The following ME2 variants were observed in gnomAD, a reference collection of about 807,000 sequenced individuals.
The protein encoded by ME2 is NAD-dependent malic enzyme, mitochondrial.
ME2 carries 60 observed loss-of-function variants against 73.7 expected under a neutral mutation model. That is an observed-to-expected ratio of 0.81 (90% confidence interval 0.66 to 1.01). ME2 has a LOEUF of 1.01. ME2 is among the 50% of genes least tolerant of loss of function. The pLI is 0.00. For synonymous variants in ME2, 199 were observed against 236.9 expected, an observed-to-expected ratio of 0.84 and a Z score of 1.47; for missense variants, 594 against 705.5, an observed-to-expected ratio of 0.84 and a Z score of 1.79.
At position 50,954,079 on chromosome 18, in the gene ME2, C is replaced by A. The variant is rs1918274903; in HGVS notation, c.*6895C>A. ...CTTGTAGTAATTGCTTATGGGAATG[C>A]TAGTTTAAGAGGAATGCCTTGTATA... On this transcript the variant is annotated 3_prime_UTR_variant, in exon 16 of 16. Coordinates refer to ENST00000321341, the MANE Select transcript of ME2 (RefSeq NM_002396.5). 1 of 152,140 alleles carries A rather than the reference C, an allele frequency of 6.6e-6. No homozygotes were observed. Among genetic ancestry groups the A allele is most frequent in the South Asian group, 2.1e-4 (1 of 4,830 alleles). The allele number at this position is 152,140 out of a possible 1,614,324, so 9.4% of individuals were successfully genotyped here.
chr18:50,929,478 A>G (rs1214706554), intron 12 of ME2, among the ~76,000 whole-genome samples: 1 of 130,446 alleles, frequency 7.7e-6, no homozygotes, highest in Non-Finnish European at 1.6e-5. Flanking sequence ...ACAGAGCAAG[A>G]CTGTCTCAAA....
rs182772034 is a variant in ME2, at chr18:50,880,378, A to G, written c.-13+1070A>G. Reference sequence around the variant, plus strand: ...TCCACCCCCACTCCCTTAAACGTGTATACTCCTTAAGCATTGCTCATGTTG... The same window carrying G: ...TCCACCCCCACTCCCTTAAACGTGTGTACTCCTTAAGCATTGCTCATGTTG... On this transcript the variant is annotated intron_variant, in intron 1 of 15. Transcript: ENST00000321341. 5.8e-3 allele frequency among the ~76,000 whole-genome samples: 882 copies of G among 152,332 alleles called. 7 individuals are homozygous for G. Among genetic ancestry groups the G allele is most frequent in the African/African-American group, 0.02 (843 of 41,580 alleles).
intron 15 of ME2, among the ~76,000 whole-genome samples, chr18:50,946,323 G>A (rs904566127): frequency 2.6e-5 from 4 of 152,108 alleles, no homozygotes; most frequent in African/African-American, 7.2e-5. Flanking sequence ...GGGAGTAGTC[G>A]AGCTTACTGT....
At position 50,920,475 on chromosome 18, in the gene ME2, A is replaced by G. The variant is rs1277740276; in HGVS notation, c.754A>G (p.Ile252Val). Residue 252 changes from isoleucine (I) to valine (V), a missense_variant, in exon 8 of 16, where the codon ATT becomes GTT. By Grantham distance (29) the Ile-to-Val change is conservative (BLOSUM62 3). Coordinates refer to ENST00000321341, the MANE Select transcript of ME2 (RefSeq NM_002396.5). ...ITDRYGRNTL[I>V]QFEDFGNHNA... ...TTTTAGATATGGCCGGAACACACTC[A>G]TTCAGTTCGAAGACTTTGGAAATCA... The G allele has an allele frequency of 1.6e-5, 25 of 1,598,858 alleles. No individual in the cohort carries two copies. In the Admixed American group the frequency reaches 3.3e-4, roughly 21 times the overall value.
chr18:50,925,473 T>C (rs1186042253), intron 11 of ME2, among the ~76,000 whole-genome samples: 4 of 152,190 alleles, frequency 2.6e-5, no homozygotes, highest in Admixed American at 2.6e-4. Context: ...AGCGAGACTC[T>C]GTCTCAAAAA....
intron 1 of ME2, among the ~76,000 whole-genome samples, chr18:50,890,065 A>C (rs1599085991): frequency 6.6e-6 from 1 of 152,176 alleles, no homozygotes; most frequent in South Asian, 2.1e-4. Flanking sequence ...AGAGATTTCA[A>C]AAATCAAGAA....
chr18:50,935,915 T>G (rs1384093760), intron 13 of ME2, among the ~76,000 whole-genome samples: 1 of 151,480 alleles, frequency 6.6e-6, no homozygotes, highest in Admixed American at 6.6e-5. Context: ...TTGATAGATC[T>G]TTAATTGAAG....
intron 13 of ME2, chr18:50,933,034 T>C (rs1917736248): frequency 6.6e-6 from 1 of 152,242 alleles, no homozygotes; most frequent in Non-Finnish European, 1.5e-5. Context: ...CGTTTATCAT[T>C]ACCTCAGTTC....
At chr18:50,882,283 C>T (rs999239645) in intron 1 of ME2, among the ~76,000 whole-genome samples, 1 of 152,088 alleles carries the variant, frequency 6.6e-6, no homozygotes, top group Non-Finnish European at 1.5e-5. Context: ...TACAGGTGTT[C>T]GCCACGGGAT....
intron 4 of ME2, among the ~76,000 whole-genome samples, chr18:50,913,863 A>C (rs1200963052): frequency 6.7e-6 from 1 of 149,068 alleles, no homozygotes; most frequent in Non-Finnish European, 1.5e-5. Context: ...AATATTATAC[A>C]CACACACACA....
chr18:50,922,173 G>A (rs1045433509), intron 10 of ME2, among the ~76,000 whole-genome samples: 24 of 152,178 alleles, frequency 1.6e-4, no homozygotes, highest in African/African-American at 5.8e-4. Context: ...TAAAGTATGT[G>A]AATGAAAAAT....
intron 13 of ME2, chr18:50,933,070 C>G (rs1205757801): frequency 6.6e-6 from 1 of 152,128 alleles, no homozygotes; most frequent in Non-Finnish European, 1.5e-5. Flanking sequence ...TTCCCAATAC[C>G]TTTTTTATTC....
intron 3 of ME2, among the ~76,000 whole-genome samples, chr18:50,911,629 A>C (rs539632202): frequency 5.9e-5 from 9 of 152,148 alleles, no homozygotes; most frequent in African/African-American, 2.2e-4. Context: ...CCTGAGCTGC[A>C]TTTGGAGCGC....
chr18:50,896,697 T>C (rs1353551715), intron 2 of ME2, among the ~76,000 whole-genome samples: 1 of 152,174 alleles, frequency 6.6e-6, no homozygotes, highest in African/African-American at 2.4e-5. Flanking sequence ...AAAGTGTGAC[T>C]TATTTTAAAA....
Position 50,947,254 on chromosome 18 carries a change from C to G in ME2, c.*70C>G. 6.8e-7 allele frequency: 1 copy of G among 1,474,562 alleles called. No homozygotes were observed. The highest frequency in any genetic ancestry group is 9.3e-7 in the Non-Finnish European group (1 of 1,081,056). 91.3% of individuals were successfully genotyped at this position (1,474,562 alleles called of 1,614,324 possible). On this transcript the variant is annotated 3_prime_UTR_variant, in exon 16 of 16. Coordinates refer to ENST00000321341, the MANE Select transcript of ME2 (RefSeq NM_002396.5). ...TTTTTCAGACAAGAAGAGATAATGT[C>G]TTCAGTTTTATGGTGTTTTCTGTGT... is the stretch of plus-strand genomic sequence containing the variant.
At chr18:50,904,332 G>A (rs1006363401) in intron 2 of ME2, among the ~76,000 whole-genome samples, 16 of 149,686 alleles carry the variant, frequency 1.1e-4, no homozygotes, top group African/African-American at 3.2e-4. Flanking sequence ...AGGCTGGAGT[G>A]CAGTGGTGCA....
At chr18:50,931,064 C>T (rs1399745171) in intron 12 of ME2, among the ~76,000 whole-genome samples, 1 of 152,154 alleles carries the variant, frequency 6.6e-6, no homozygotes, top group Non-Finnish European at 1.5e-5. Flanking sequence ...TACCTGGAGT[C>T]AAATTCTTGA....
intron 2 of ME2, among the ~76,000 whole-genome samples, chr18:50,905,951 G>A (rs1180681208): frequency 6.6e-6 from 1 of 152,184 alleles, no homozygotes; most frequent in South Asian, 2.1e-4. Flanking sequence ...CCCTGGCCAA[G>A]GAGGAAGTCC....
chr18:50,928,800 A>T (rs553519670), intron 12 of ME2, among the ~76,000 whole-genome samples: 1 of 152,230 alleles, frequency 6.6e-6, no homozygotes, highest in African/African-American at 2.4e-5. Flanking sequence ...GTCCCTGAAC[A>T]TCCATTTTCC....
Sources: gnomAD v4.1 joint callset for allele counts (sites outside exome capture counted in the v4.1 genomes callset) on GRCh38, gnomAD v4.1.1 for gene constraint, MANE v1.5 for transcripts, NCBI Gene and HGNC (gene_info 2026-07-23, HGNC 2026-07-21) for gene names.